RHOBTB1: variants seen among roughly 807,000 people sequenced by gnomAD.
RHOBTB1 encodes the protein Rho related BTB domain containing 1.
RHOBTB1 carries 40 observed loss-of-function variants against 71.6 expected under a neutral mutation model. That is an observed-to-expected ratio of 0.56 (90% CI 0.43 to 0.73). RHOBTB1 has a LOEUF of 0.73. Among genes scored for constraint, RHOBTB1 ranks in the 30% least tolerant of loss-of-function variants. The pLI, the probability that RHOBTB1 is intolerant of heterozygous loss-of-function variation, is 0.00. For synonymous variants in RHOBTB1, 319 were observed against 334.9 expected (o/e 0.95, Z 0.52); for missense variants, 797 against 894.0 (o/e 0.89, Z 1.38).
intron 2 of RHOBTB1, among the ~76,000 whole-genome samples, chr10:60,958,173 C>A (rs2085659502): frequency 6.6e-6 from 1 of 152,130 alleles, no homozygotes; most frequent in African/African-American, 2.4e-5. Context: ...TCATAAGGAA[C>A]TTGAGGTGAA....
chr10:60,963,808 T>A (rs1030608817), intron 2 of RHOBTB1, among the ~76,000 whole-genome samples: 14 of 152,170 alleles, frequency 9.2e-5, no homozygotes, highest in Admixed American at 8.5e-4. Context: ...CCTGAAATAT[T>A]TTCTTTGTTC....
intron 2 of RHOBTB1, among the ~76,000 whole-genome samples, chr10:60,957,772 T>C (rs2085645441): frequency 6.6e-6 from 1 of 152,192 alleles, no homozygotes; most frequent in African/African-American, 2.4e-5. Flanking sequence ...TATTGAATGC[T>C]CACTCCATAG....
chr10:60,879,143 A>G (rs2081186878), intron 7 of RHOBTB1, among the ~76,000 whole-genome samples: 1 of 152,160 alleles, frequency 6.6e-6, no homozygotes, highest in Non-Finnish European at 1.5e-5. Context: ...AAGGTCACAG[A>G]GCTAGGAAGT....
intron 4 of RHOBTB1, among the ~76,000 whole-genome samples, chr10:60,894,446 T>A (rs1045753501): frequency 2.6e-5 from 4 of 152,212 alleles, no homozygotes; most frequent in Non-Finnish European, 4.4e-5. Context: ...AAAATATGCA[T>A]AAATATATAA....
At chr10:60,897,306 A>G (rs1159355000) in intron 4 of RHOBTB1, among the ~76,000 whole-genome samples, 1 of 152,226 alleles carries the variant, frequency 6.6e-6, no homozygotes, top group African/African-American at 2.4e-5. Flanking sequence ...TCATCCTTTG[A>G]AGACATGGTC....
chr10:60,943,560 GCTAGCGTATTCCC>G (rs1275143620), intron 1 of RHOBTB1, among the ~76,000 whole-genome samples: 1 of 152,186 alleles, frequency 6.6e-6, no homozygotes, highest in East Asian at 1.9e-4. Context: ...CGCCAAAGGG[GCTAGCGTATTCCC>G]CTGTCCGGGT....
intron 2 of RHOBTB1, among the ~76,000 whole-genome samples, chr10:60,980,428 TA>T (rs2086458620): frequency 6.6e-6 from 1 of 152,124 alleles, no homozygotes; most frequent in Non-Finnish European, 1.5e-5. Flanking sequence ...AGGAATAGAT[TA>T]AAAATGTCCC....
At chr10:60,880,532 G>A (rs548758276) in intron 7 of RHOBTB1, among the ~76,000 whole-genome samples, 130 of 152,238 alleles carry the variant, frequency 8.5e-4, no homozygotes, top group Middle Eastern at 3.4e-3. Flanking sequence ...CATGGTTGGT[G>A]AAAACGACAA....
At chr10:60,941,403 C>A (rs2084896025) in intron 2 of RHOBTB1, among the ~76,000 whole-genome samples, 1 of 152,074 alleles carries the variant, frequency 6.6e-6, no homozygotes, top group African/African-American at 2.4e-5. Flanking sequence ...AGCACATTAC[C>A]TGAACCGTGA....
Position 60,871,332 on chromosome 10 carries a change from A to T in RHOBTB1, c.*150T>A. ...GTGAGCTTGTGCTTTGATCCTAACA[A>T]AGATAAATGCACAAAAGTGGAGGAA... On this transcript the variant is annotated 3_prime_UTR_variant, in exon 11 of 11. Coordinates refer to ENST00000337910, the MANE Select transcript of RHOBTB1 (RefSeq NM_014836.5). The T allele has an allele frequency of 1.4e-6, 1 of 719,096 alleles. No homozygotes were observed. The highest frequency in any genetic ancestry group is 2.1e-5 in the South Asian group (1 of 46,892). The allele number at this position is 719,096 out of a possible 1,614,324, so 44.5% of individuals were successfully genotyped here.
intron 2 of RHOBTB1, among the ~76,000 whole-genome samples, chr10:60,956,134 T>C (rs2085584193): frequency 6.6e-6 from 1 of 152,214 alleles, no homozygotes. Context: ...CTATATGGTA[T>C]AGCCCGTTGT....
At chr10:60,973,075 A>G (rs967442969) in intron 2 of RHOBTB1, among the ~76,000 whole-genome samples, 1 of 152,082 alleles carries the variant, frequency 6.6e-6, no homozygotes, top group Non-Finnish European at 1.5e-5. Flanking sequence ...ATATCATTAT[A>G]TAGTATGTCT....
chr10:60,920,623 T>A (rs74577734), intron 2 of RHOBTB1, among the ~76,000 whole-genome samples: 1 of 128,258 alleles, frequency 7.8e-6, no homozygotes, highest in Admixed American at 7.5e-5. Context: ...CTGATTTGCT[T>A]TTTTTTTTTT....
At chr10:60,924,220 A>C (rs1201607073) in intron 2 of RHOBTB1, among the ~76,000 whole-genome samples, 5 of 151,550 alleles carry the variant, frequency 3.3e-5, no homozygotes, top group Non-Finnish European at 5.9e-5. Context: ...CCTCTCCATA[A>C]AGAAATAATG....
chr10:60,885,254 A>G (rs2081515510), intron 7 of RHOBTB1, among the ~76,000 whole-genome samples: 1 of 152,202 alleles, frequency 6.6e-6, no homozygotes, highest in African/African-American at 2.4e-5. Context: ...ATTCCACAGT[A>G]TATGTATATT....
chr10:60,909,735 T>C (rs1288956661), intron 4 of RHOBTB1, among the ~76,000 whole-genome samples: 1 of 152,182 alleles, frequency 6.6e-6, no homozygotes, highest in Admixed American at 6.5e-5. Context: ...AAACTATCTA[T>C]GATGTAGGAT....
At chr10:60,900,271 A>G (rs1270383710) in intron 4 of RHOBTB1, among the ~76,000 whole-genome samples, 1 of 152,046 alleles carries the variant, frequency 6.6e-6, no homozygotes, top group Non-Finnish European at 1.5e-5. Flanking sequence ...ACCAATTAAG[A>G]GGTAAGAATT....
chr10:60,915,212 G>A (rs377081144), intron 2 of RHOBTB1, among the ~76,000 whole-genome samples: 20 of 152,080 alleles, frequency 1.3e-4, no homozygotes, highest in South Asian at 2.1e-4. Context: ...ATCCTTCTCC[G>A]CTTGTTATAG....
At chr10:60,917,396 T>G (rs2083322786) in intron 2 of RHOBTB1, among the ~76,000 whole-genome samples, 3 of 152,186 alleles carry the variant, frequency 2.0e-5, no homozygotes, top group Admixed American at 2.0e-4. Flanking sequence ...TTAGTCAGCT[T>G]CAGCTGCCAT....
Sources: allele counts gnomAD v4.1 joint callset (sites outside exome capture counted in the v4.1 genomes callset), GRCh38; gene constraint gnomAD v4.1.1; transcripts MANE v1.5; gene names NCBI Gene and HGNC (gene_info 2026-07-23, HGNC 2026-07-21).